The following SLC16A7 variants were observed in gnomAD, a reference collection of about 807,000 sequenced individuals.
SLC16A7 encodes monocarboxylate transporter 2.
In SLC16A7, 33 loss-of-function variants were observed where a neutral mutation model predicts 34.9. The observed-to-expected ratio is 0.94, with a 90% CI of 0.72 to 1.26. The LOEUF (loss-of-function observed/expected upper bound fraction) is 1.26, where lower values mean the gene tolerates loss of function less well. Ranked by LOEUF, SLC16A7 falls within the 50% of genes most tolerant of loss-of-function variation. The pLI, the probability that SLC16A7 is intolerant of heterozygous loss-of-function variation, is 0.00. For synonymous variants in SLC16A7, 201 were observed against 206.6 expected, an observed-to-expected ratio of 0.97 and a Z score of 0.23; for missense variants, 573 against 578.1, an observed-to-expected ratio of 0.99 and a Z score of 0.09.
At chr12:59,683,339 G>A (rs766066143) in intron 2 of SLC16A7, among the ~76,000 whole-genome samples, 4 of 152,150 alleles carry the variant, frequency 2.6e-5, no homozygotes, top group Admixed American at 2.0e-4. Flanking sequence ...GTACTGTTGC[G>A]AGATTAATCC....
chr12:59,747,929 G>A (rs761751391), intron 3 of SLC16A7, among the ~76,000 whole-genome samples: 59 of 152,266 alleles, frequency 3.9e-4, no homozygotes, highest in Non-Finnish European at 5.7e-4. Flanking sequence ...TAGGCCACGC[G>A]CTGTGGCACA....
intron 1 of SLC16A7, among the ~76,000 whole-genome samples, chr12:59,645,044 C>T (rs1353606959): frequency 6.6e-6 from 1 of 152,072 alleles, no homozygotes; most frequent in African/African-American, 2.4e-5. Flanking sequence ...TTTCCTTATC[C>T]TGTTAGTACT....
chr12:59,772,794 T>C (rs1338603858), intron 4 of SLC16A7, among the ~76,000 whole-genome samples: 1 of 152,162 alleles, frequency 6.6e-6, no homozygotes, highest in Non-Finnish European at 1.5e-5. Flanking sequence ...TTGATGATCA[T>C]AAATAAATAT....
intron 2 of SLC16A7, among the ~76,000 whole-genome samples, chr12:59,691,739 G>A (rs187445362): frequency 2.0e-5 from 3 of 151,988 alleles, no homozygotes; most frequent in Admixed American, 6.6e-5. Flanking sequence ...ATGTAAATCT[G>A]CCTATTCATT....
chr12:59,620,812 C>A (rs1251763118), intron 1 of SLC16A7, among the ~76,000 whole-genome samples: 1 of 151,790 alleles, frequency 6.6e-6, no homozygotes, highest in Non-Finnish European at 1.5e-5. Flanking sequence ...AAATTAGGCA[C>A]ATGAGTTCAC....
intron 2 of SLC16A7, among the ~76,000 whole-genome samples, chr12:59,665,809 C>T (rs1375198757): frequency 7.0e-6 from 1 of 142,986 alleles, no homozygotes; most frequent in Non-Finnish European, 1.6e-5. Flanking sequence ...ATATATAACA[C>T]GTGTGTGTGT....
At chr12:59,746,576 T>C (rs1878911873) in intron 3 of SLC16A7, among the ~76,000 whole-genome samples, 1 of 152,210 alleles carries the variant, frequency 6.6e-6, no homozygotes, top group South Asian at 2.1e-4. Flanking sequence ...AAAAGTAGAC[T>C]CTGAGTTAAT....
At chr12:59,675,796 C>G (rs11173111) in intron 2 of SLC16A7, among the ~76,000 whole-genome samples, 1 of 151,930 alleles carries the variant, frequency 6.6e-6, no homozygotes, top group Admixed American at 6.6e-5. Flanking sequence ...AAAAAATGAC[C>G]TGGATCAGAT....
At chr12:59,693,136 T>C (rs971297612) in intron 2 of SLC16A7, among the ~76,000 whole-genome samples, 2 of 152,000 alleles carry the variant, frequency 1.3e-5, no homozygotes, top group Non-Finnish European at 2.9e-5. Context: ...GAAAAACTCA[T>C]GCTTTAACTG....
chr12:59,735,787 T>C, intron 3 of SLC16A7: 1 of 180,270 alleles, frequency 5.5e-6, no homozygotes, highest in Non-Finnish European at 1.1e-5. Flanking sequence ...TATATATTTA[T>C]CATGAAATTT....
At chr12:59,736,013 T>A in intron 3 of SLC16A7, 1 of 649,860 alleles carries the variant, frequency 1.5e-6, no homozygotes, top group Non-Finnish European at 2.3e-6. Flanking sequence ...GTAGAAACAT[T>A]ATTTTAATGT....
chr12:59,711,892 G>C (rs1315375856), intron 3 of SLC16A7, among the ~76,000 whole-genome samples: 2 of 152,176 alleles, frequency 1.3e-5, no homozygotes, highest in African/African-American at 4.8e-5. Flanking sequence ...TATTAATTAT[G>C]TAATTGTGCA....
At chr12:59,739,790 A>G (rs1490417124) in intron 3 of SLC16A7, among the ~76,000 whole-genome samples, 1 of 152,116 alleles carries the variant, frequency 6.6e-6, no homozygotes, top group Admixed American at 6.5e-5. Flanking sequence ...TTCTCTGATG[A>G]CCAGTGATGG....
At position 59,784,339 on chromosome 12, in the gene SLC16A7, T is replaced by A. The variant is rs1381153344; in HGVS notation, c.*4660T>A. On this transcript the variant is annotated 3_prime_UTR_variant, in exon 6 of 6. Transcript: ENST00000547379. ...TGAGCTATAATGGCCCCACTTGCAG[T>A]CCAGCCTAGGCAATAGAGTGAGAAT... is the stretch of plus-strand genomic sequence containing the variant. 6.6e-6 allele frequency: 1 copy of A among 151,752 alleles called. No homozygotes were observed. The highest frequency in any genetic ancestry group is 1.5e-5 in the Non-Finnish European group (1 of 67,974). The allele number at this position is 151,752 out of a possible 1,614,324, so 9.4% of individuals were successfully genotyped here. A position where few individuals can be genotyped will look rare whatever the true frequency, so the allele number is the denominator to read the frequency against.
chr12:59,605,566 A>G (rs1722338650), intron 1 of SLC16A7, among the ~76,000 whole-genome samples: 2 of 152,316 alleles, frequency 1.3e-5, no homozygotes, highest in South Asian at 4.1e-4. Flanking sequence ...TACTTTAACA[A>G]CTATTTATTC....
intron 3 of SLC16A7, among the ~76,000 whole-genome samples, chr12:59,754,690 T>C (rs1269390291): frequency 6.6e-6 from 1 of 152,212 alleles, no homozygotes; most frequent in African/African-American, 2.4e-5. Flanking sequence ...AAGGAGGAAC[T>C]GGTACCATTC....
Position 59,786,813 on chromosome 12 carries a change from C to G in SLC16A7, c.*7134C>G, listed in dbSNP as rs1322834482. On this transcript the variant is annotated 3_prime_UTR_variant, in exon 6 of 6. Transcript: ENST00000547379. The stretch of plus-strand genomic sequence containing the variant: ...CTAACACACTTTTTTCTCCATTGCA[C>G]TACAGAAGCCGTAAGGTCATAATGA... 1 of 152,064 alleles carries G rather than the reference C, an allele frequency of 6.6e-6. No homozygotes were observed. The allele number at this position is 152,064 out of a possible 1,614,324, so 9.4% of individuals were successfully genotyped here.
Position 59,713,385 on chromosome 12 carries a change from G to T in SLC16A7, c.217+8367G>T, listed in dbSNP as rs775544893. On this transcript the variant is annotated intron_variant, in intron 3 of 5. Transcript: ENST00000547379. ...CAGCTCTTCCTCAACAACATATTAG[G>T]ATTGAAGAATTTACCGCAGTTCTTT... is the stretch of plus-strand genomic sequence containing the variant. Among the ~76,000 whole-genome samples, 145 of 152,198 alleles carry T rather than the reference G, an allele frequency of 9.5e-4. 1 individual carries two copies. Among genetic ancestry groups the T allele is most frequent in the Non-Finnish European group, 1.5e-3 (105 of 68,018 alleles).
intron 3 of SLC16A7, among the ~76,000 whole-genome samples, chr12:59,743,800 A>T (rs1334346083): frequency 6.6e-6 from 1 of 152,220 alleles, no homozygotes; most frequent in African/African-American, 2.4e-5. Flanking sequence ...TTAAGCACAT[A>T]GGATTTGCAA....
Sources: allele counts gnomAD v4.1 joint callset (sites outside exome capture counted in the v4.1 genomes callset), GRCh38; gene constraint gnomAD v4.1.1; transcripts MANE v1.5; gene names NCBI Gene and HGNC (gene_info 2026-07-23, HGNC 2026-07-21).